The following SLC14A2 variants were observed in gnomAD, a reference collection of about 807,000 sequenced individuals.
The protein encoded by SLC14A2 is solute carrier family 14 member 2, also known as urea transporter 2.
SLC14A2 carries 91 observed loss-of-function variants against 104.6 expected under a neutral mutation model. That is an observed-to-expected ratio of 0.87 (90% CI 0.73 to 1.04). The LOEUF (loss-of-function observed/expected upper bound fraction) is 1.04. Ranked by LOEUF, SLC14A2 falls within the 50% of genes least tolerant of loss-of-function variation. SLC14A2 has a pLI of 0.00. For synonymous variants in SLC14A2, 476 were observed against 466.4 expected (o/e 1.02, Z -0.27); for missense variants, 1,189 against 1,156.0 (o/e 1.03, Z -0.41).
intron 1 of SLC14A2, chr18:45,436,607 T>C (rs532591889): frequency 3.3e-5 from 5 of 152,136 alleles, no homozygotes; most frequent in Non-Finnish European, 7.4e-5. Context: ...CCAGGAAAAG[T>C]ATGTTGATTC....
chr18:45,610,004 C>T (rs2044945482), intron 2 of SLC14A2, among the ~76,000 whole-genome samples: 1 of 152,164 alleles, frequency 6.6e-6, no homozygotes, highest in Admixed American at 6.5e-5. Context: ...TAAATCTAAT[C>T]TGATTTTGCT....
chr18:45,265,083 C>T (rs2084578267), intron 1 of SLC14A2, among the ~76,000 whole-genome samples: 1 of 152,110 alleles, frequency 6.6e-6, no homozygotes, highest in African/African-American at 2.4e-5. Flanking sequence ...TACATTCACT[C>T]AGTTATCACT....
At chr18:45,645,630 C>CATATATATATATATAT (rs2045610953) in intron 10 of SLC14A2, among the ~76,000 whole-genome samples, 1 of 8,492 alleles carries the variant, frequency 1.2e-4, no homozygotes, top group Non-Finnish European at 3.2e-4. Flanking sequence ...TATACATATA[C>CATATATATATATATAT]AAAGATATAT....
intron 1 of SLC14A2, among the ~76,000 whole-genome samples, chr18:45,268,696 G>T (rs1001035541): frequency 6.6e-6 from 1 of 152,214 alleles, no homozygotes; most frequent in African/African-American, 2.4e-5. Flanking sequence ...GTGGTAAAAA[G>T]TCTGGACTGC....
chr18:45,248,254 A>G lies in SLC14A2; in HGVS notation c.-125+35063A>G, dbSNP rs147418130. ...AGAGAAGAAAGATCCTCCAACACAG[A>G]AAAAAGTCATAGTCATTGTCAAACC... On this transcript the variant is annotated intron_variant, in intron 1 of 20. Transcript: ENST00000586448. 7.9e-5 allele frequency among the ~76,000 whole-genome samples: 12 copies of G among 152,272 alleles called. No homozygotes were observed. In the East Asian group the frequency reaches 2.3e-3, roughly 29 times the overall value.
At chr18:45,262,345 T>C (rs1475859951) in intron 1 of SLC14A2, among the ~76,000 whole-genome samples, 1 of 152,118 alleles carries the variant, frequency 6.6e-6, no homozygotes, top group Non-Finnish European at 1.5e-5. Flanking sequence ...ACCTAGAGCC[T>C]GGGCCCTCCA....
intron 1 of SLC14A2, among the ~76,000 whole-genome samples, chr18:45,399,091 A>G (rs2086067422): frequency 6.6e-6 from 1 of 152,232 alleles, no homozygotes; most frequent in Non-Finnish European, 1.5e-5. Flanking sequence ...CTCAAGAAGT[A>G]AATTCTATGA....
chr18:45,360,910 T>C (rs2085603723), intron 1 of SLC14A2, among the ~76,000 whole-genome samples: 1 of 152,184 alleles, frequency 6.6e-6, no homozygotes, highest in African/African-American at 2.4e-5. Context: ...CCCATCTCTC[T>C]TTTCCTCTCT....
At chr18:45,399,601 C>T (rs554173802) in intron 1 of SLC14A2, among the ~76,000 whole-genome samples, 1 of 152,110 alleles carries the variant, frequency 6.6e-6, no homozygotes, top group African/African-American at 2.4e-5. Flanking sequence ...TGATTTTTTT[C>T]CCTTTTATTA....
chr18:45,461,140 C>T (rs2087037794), intron 1 of SLC14A2, among the ~76,000 whole-genome samples: 1 of 152,186 alleles, frequency 6.6e-6, no homozygotes, highest in African/African-American at 2.4e-5. Context: ...TTTTCTACTC[C>T]ACCTTTCCCA....
At position 45,421,675 on chromosome 18, in the gene SLC14A2, G is replaced by A. The variant is rs564644150; in HGVS notation, c.-124-61558G>A. Among the ~76,000 whole-genome samples, 16 of 152,282 alleles carry A rather than the reference G, an allele frequency of 1.1e-4. 2 individuals carry two copies. In the South Asian group the frequency reaches 3.3e-3, roughly 32 times the overall value. On this transcript the variant is annotated intron_variant, in intron 1 of 20. Coordinates refer to the SLC14A2 transcript ENST00000586448. ...TCAAATCTGTGCAAATGAATGCACTGGCCATGCAGCTGACCAATCACAGAC... is the reference window on the plus strand; with the variant it reads ...TCAAATCTGTGCAAATGAATGCACTAGCCATGCAGCTGACCAATCACAGAC...
At chr18:45,509,655 C>T (rs1028145225) in intron 2 of SLC14A2, among the ~76,000 whole-genome samples, 2 of 152,190 alleles carry the variant, frequency 1.3e-5, no homozygotes, top group African/African-American at 4.8e-5. Flanking sequence ...CACATGGTGT[C>T]GGCAATCTGC....
intron 1 of SLC14A2, among the ~76,000 whole-genome samples, chr18:45,262,107 A>G (rs771603691): frequency 9.2e-5 from 14 of 152,142 alleles, no homozygotes; most frequent in East Asian, 5.8e-4. Context: ...ATTCTAACTG[A>G]TGTGAGATGG....
At chr18:45,477,563 T>C (rs1026079622) in intron 1 of SLC14A2, among the ~76,000 whole-genome samples, 1 of 152,142 alleles carries the variant, frequency 6.6e-6, no homozygotes, top group African/African-American at 2.4e-5. Flanking sequence ...AACATTTAAG[T>C]CTACTGAAGC....
rs1381940693 is a variant in SLC14A2 at position 45,632,258 on chromosome 18, A to T, written c.522-92A>T. 13 of 1,470,944 alleles carry T rather than the reference A, an allele frequency of 8.8e-6. No individual in the cohort carries two copies. The East Asian group carries it at 3.0e-4, about 34-fold the overall frequency. 91.1% of individuals were successfully genotyped at this position (1,470,944 alleles called of 1,614,324 possible). On this transcript the variant is annotated intron_variant, in intron 4 of 19. Transcript: ENST00000255226. Reference sequence around the variant, plus strand: ...TCTAAGCATTATTATTAAAGGAATCATCTAAATTAAGCATATCCTCAGAGC... The same window carrying T: ...TCTAAGCATTATTATTAAAGGAATCTTCTAAATTAAGCATATCCTCAGAGC...
intron 1 of SLC14A2, among the ~76,000 whole-genome samples, chr18:45,262,963 C>T (rs1324166656): frequency 6.6e-6 from 1 of 152,230 alleles, no homozygotes; most frequent in African/African-American, 2.4e-5. Flanking sequence ...TGACTGCTAA[C>T]ATCTTGCACA....
the SLC14A2 span, among the ~76,000 whole-genome samples, chr18:45,193,410 A>C: frequency 6.6e-6 from 1 of 152,246 alleles, no homozygotes; most frequent in Non-Finnish European, 1.5e-5. Flanking sequence ...AGGGCAAATA[A>C]TCAAGTTCAC....
chr18:45,551,723 G>A (rs1391862453), intron 2 of SLC14A2, among the ~76,000 whole-genome samples: 1 of 152,200 alleles, frequency 6.6e-6, no homozygotes, highest in East Asian at 1.9e-4. Context: ...GCAGGGCAGT[G>A]ACTGTGAAAG....
intron 1 of SLC14A2, among the ~76,000 whole-genome samples, chr18:45,446,722 C>G (rs984131741): frequency 2.0e-5 from 3 of 152,214 alleles, no homozygotes; most frequent in Non-Finnish European, 4.4e-5. Context: ...TCGCACAGGT[C>G]TGTGCAGTAT....
Sources: gnomAD v4.1 joint callset for allele counts (sites outside exome capture counted in the v4.1 genomes callset) on GRCh38, gnomAD v4.1.1 for gene constraint, MANE v1.5 for transcripts, NCBI Gene and HGNC (gene_info 2026-07-23, HGNC 2026-07-21) for gene names.